The following ZNF827 variants were observed in gnomAD, a reference collection of about 807,000 sequenced individuals.
ZNF827 encodes zinc finger protein 827.
In ZNF827, 13 loss-of-function variants were observed where a neutral mutation model predicts 102.4. That is an observed-to-expected ratio of 0.13 (90% CI 0.08 to 0.20). The LOEUF (loss-of-function observed/expected upper bound fraction) is 0.20. Among genes scored for constraint, ZNF827 ranks in the 10% least tolerant of loss-of-function variants. The probability of loss-of-function intolerance (pLI) is 1.00; values close to 1 mark genes in which losing one functional copy is unlikely to be tolerated. For missense variants in ZNF827, 1,103 were observed against 1,344.4 expected, an observed-to-expected ratio of 0.82 and a Z score of 2.81; for synonymous variants, 523 against 536.2, an observed-to-expected ratio of 0.98 and a Z score of 0.34.
chr4:145,877,361 A>G (rs1749233658), intron 4 of ZNF827, among the ~76,000 whole-genome samples: 1 of 152,190 alleles, frequency 6.6e-6, no homozygotes, highest in South Asian at 2.1e-4. Context: ...TGGGTAAGAA[A>G]CTGCCTTCTG....
intron 8 of ZNF827, among the ~76,000 whole-genome samples, chr4:145,790,989 A>G (rs1739597070): frequency 6.6e-6 from 1 of 152,174 alleles, no homozygotes. Context: ...TTAGGCAGTT[A>G]TATGTTTTTA....
chr4:145,878,590 G>T (rs1257787849), intron 4 of ZNF827, among the ~76,000 whole-genome samples: 1 of 137,740 alleles, frequency 7.3e-6, no homozygotes, highest in Admixed American at 7.2e-5. Flanking sequence ...GACAGGACAG[G>T]ACAGGACAGG....
At chr4:145,779,767 C>G (rs1560912455) in intron 8 of ZNF827, among the ~76,000 whole-genome samples, 1 of 152,250 alleles carries the variant, frequency 6.6e-6, no homozygotes, top group Non-Finnish European at 1.5e-5. Context: ...GACCAGCCAA[C>G]TAACCCTCTA....
rs548255395 is a variant in ZNF827 at position 145,780,297 on chromosome 4, C to T, written c.2384-786G>A. Reference sequence around the variant, plus strand: ...CCTTGAAAGGAAATATGCTTTCATTCTCTTTAAGAAGAAAGCTTTGCTCTT... The same window carrying T: ...CCTTGAAAGGAAATATGCTTTCATTTTCTTTAAGAAGAAAGCTTTGCTCTT... On this transcript the variant is annotated intron_variant, in intron 8 of 14. Transcript: ENST00000508784. Among the ~76,000 whole-genome samples the T allele has an allele frequency of 1.1e-4, 17 of 152,322 alleles. No individual in the cohort carries two copies. In the South Asian group the frequency reaches 3.5e-3, roughly 32 times the overall value.
intron 8 of ZNF827, 147 bp from the exon 9 acceptor site, chr4:145,779,658 C>T: frequency 1.7e-6 from 2 of 1,150,400 alleles, no homozygotes; most frequent in Non-Finnish European, 2.4e-6. Flanking sequence ...TTTTCCTGCT[C>T]ATTTCCTGTC....
intron 10 of ZNF827, among the ~76,000 whole-genome samples, chr4:145,775,332 T>C (rs529580135): frequency 1.3e-5 from 2 of 152,262 alleles, no homozygotes; most frequent in East Asian, 3.9e-4. Context: ...AAATGAAACA[T>C]AAAATCCACA....
intron 4 of ZNF827, among the ~76,000 whole-genome samples, chr4:145,879,058 T>C (rs2126794807): frequency 6.6e-6 from 1 of 152,252 alleles, no homozygotes; most frequent in Non-Finnish European, 1.5e-5. Flanking sequence ...GATGCCATGG[T>C]TTGAAGCCAA....
chr4:145,891,868 C>T (rs1750632988), intron 3 of ZNF827, among the ~76,000 whole-genome samples: 1 of 152,208 alleles, frequency 6.6e-6, no homozygotes, highest in African/African-American at 2.4e-5. Flanking sequence ...CTCTTTGGTG[C>T]TCAGTCCAGC....
Position 145,760,963 on chromosome 4 carries a change from C to T in ZNF827, c.*653G>A, listed in dbSNP as rs1171804763. 17 of 1,238,444 alleles carry T rather than the reference C, an allele frequency of 1.4e-5. 1 individual carries two copies. The highest frequency in any genetic ancestry group is 4.2e-5 in the South Asian group (3 of 72,228). The allele number at this position is 1,238,444 out of a possible 1,614,324, so 76.7% of individuals were successfully genotyped here. On this transcript the variant is annotated 3_prime_UTR_variant, in exon 15 of 15. Coordinates refer to ENST00000508784, the MANE Select transcript of ZNF827 (RefSeq NM_001306215.2). Reference sequence around the variant, plus strand: ...ATCTGAGTTCCGGTACTTGTCAAAGCGCAAAGGGGAGCCGTTGAAGGCCAA... The same window carrying T: ...ATCTGAGTTCCGGTACTTGTCAAAGTGCAAAGGGGAGCCGTTGAAGGCCAA...
intron 8 of ZNF827, among the ~76,000 whole-genome samples, chr4:145,791,192 G>C (rs1157019906): frequency 5.9e-5 from 9 of 152,186 alleles, no homozygotes; most frequent in Admixed American, 3.3e-4. Context: ...TCAAGGCACT[G>C]GCAGATTCAG....
chr4:145,837,800 C>T (rs1443875631), intron 7 of ZNF827, among the ~76,000 whole-genome samples: 12 of 152,194 alleles, frequency 7.9e-5, no homozygotes, highest in Admixed American at 5.9e-4. Flanking sequence ...CATACAAAAC[C>T]GTATCCAGGC....
intron 7 of ZNF827, among the ~76,000 whole-genome samples, chr4:145,827,229 G>T (rs1743776624): frequency 6.6e-6 from 1 of 152,254 alleles, no homozygotes; most frequent in Non-Finnish European, 1.5e-5. Flanking sequence ...CCTTTCGTTG[G>T]TCCGTTAACA....
chr4:145,887,209 C>A (rs1406428675), intron 3 of ZNF827, among the ~76,000 whole-genome samples: 3 of 152,120 alleles, frequency 2.0e-5, no homozygotes, highest in Non-Finnish European at 1.5e-5. Context: ...ACAAAACTGA[C>A]ACCTCCTCTT....
chr4:145,923,594 C>A (rs907825087), intron 1 of ZNF827, among the ~76,000 whole-genome samples: 2 of 151,980 alleles, frequency 1.3e-5, no homozygotes, highest in East Asian at 3.9e-4. Flanking sequence ...CAGAGGGAGA[C>A]TCCATCTCAA....
intron 1 of ZNF827, among the ~76,000 whole-genome samples, chr4:145,910,208 T>C (rs1752180236): frequency 1.3e-5 from 2 of 152,146 alleles, no homozygotes; most frequent in Admixed American, 6.5e-5. Flanking sequence ...CAAATCATTA[T>C]TCTAAATGAC....
intron 4 of ZNF827, among the ~76,000 whole-genome samples, chr4:145,873,752 CCCACTTCTTGGGGGATTTTGCTGGTCA>C (rs1748912364): frequency 6.6e-6 from 1 of 152,150 alleles, no homozygotes; most frequent in Admixed American, 6.5e-5. Context: ...GCACCTTTCC[CCCACTTCTTGGGGGATTTTGCTGGTCA>C]CCCTTCTAAA....
intron 8 of ZNF827, among the ~76,000 whole-genome samples, chr4:145,786,131 A>G (rs527324680): frequency 6.6e-6 from 1 of 152,350 alleles, no homozygotes; most frequent in East Asian, 1.9e-4. Context: ...AAACAAACAA[A>G]CAGATAAGCA....
At chr4:145,876,378 T>C (rs1749154162) in intron 4 of ZNF827, 1 of 152,202 alleles carries the variant, frequency 6.6e-6, no homozygotes, top group Admixed American at 6.5e-5. Context: ...CTCTAGACAT[T>C]GCCAGCTATC....
Position 145,765,511 on chromosome 4 carries a change from G to A in ZNF827, c.3052+36C>T, listed in dbSNP as rs749565486. On this transcript the variant is annotated intron_variant, in intron 12 of 14. Transcript: ENST00000508784. The surrounding 1 kb of genome is among the most constrained non-coding windows in gnomAD (Gnocchi z 4.7). ...TCAAGAATGGGTCATCCTGGGTGCG[G>A]AGGGTTGAGCAGGCTCACACCCACC... The A allele has an allele frequency of 2.5e-6, 4 of 1,576,502 alleles. No homozygotes were observed. The highest frequency in any genetic ancestry group is 1.2e-5 in the South Asian group (1 of 83,868).
Sources: allele counts gnomAD v4.1 joint callset (sites outside exome capture counted in the v4.1 genomes callset), GRCh38; gene constraint gnomAD v4.1.1; non-coding constraint Gnocchi (gnomAD v3.1); transcripts MANE v1.5; gene names NCBI Gene and HGNC (gene_info 2026-07-23, HGNC 2026-07-21).